Variants in CDH12 observed in about 807,000 individuals in gnomAD.
The protein encoded by CDH12 is cadherin 12.
CDH12 carries 41 observed loss-of-function variants against 74.1 expected under a neutral mutation model. The ratio of observed to expected loss-of-function variants is 0.55; its 90% CI spans 0.43 to 0.72. The LOEUF (loss-of-function observed/expected upper bound fraction) is 0.72. Ranked by LOEUF, CDH12 falls within the 30% of genes least tolerant of loss-of-function variation. The pLI, the probability that CDH12 is intolerant of heterozygous loss-of-function variation, is 0.00. For synonymous variants in CDH12, 399 were observed against 355.0 expected (o/e 1.12, Z -1.39); for missense variants, 945 against 977.2 (o/e 0.97, Z 0.44).
intron 1 of CDH12, among the ~76,000 whole-genome samples, chr5:22,719,654 A>T (rs1347507722): frequency 6.6e-6 from 1 of 152,194 alleles, no homozygotes; most frequent in Non-Finnish European, 1.5e-5. Context: ...TGCTAAGTGC[A>T]GGAGGCAGCA....
intron 1 of CDH12, among the ~76,000 whole-genome samples, chr5:22,673,838 A>G (rs1349116775): frequency 6.6e-6 from 1 of 152,220 alleles, no homozygotes; most frequent in East Asian, 1.9e-4. Context: ...AACTGATGAC[A>G]AAAAGGTCAA....
chr5:22,646,149 A>T (rs1029270165), intron 1 of CDH12, among the ~76,000 whole-genome samples: 3 of 151,860 alleles, frequency 2.0e-5, no homozygotes, highest in African/African-American at 7.2e-5. Flanking sequence ...AGTCAAGGAG[A>T]TGATGCACTT....
At chr5:22,689,156 AG>A (rs1741956581) in intron 1 of CDH12, among the ~76,000 whole-genome samples, 1 of 152,190 alleles carries the variant, frequency 6.6e-6, no homozygotes, top group Admixed American at 6.5e-5. Flanking sequence ...TCTTCTCTCC[AG>A]GATATTTCAA....
intron 1 of CDH12, among the ~76,000 whole-genome samples, chr5:22,666,416 A>G (rs1580867288): frequency 6.7e-6 from 1 of 150,052 alleles, no homozygotes; most frequent in African/African-American, 2.5e-5. Flanking sequence ...CAGCCTCCCG[A>G]GTAGCTGGGA....
At chr5:22,762,353 T>A (rs1746270345) in intron 1 of CDH12, among the ~76,000 whole-genome samples, 1 of 152,110 alleles carries the variant, frequency 6.6e-6, no homozygotes, top group Non-Finnish European at 1.5e-5. Flanking sequence ...AATTTTATCT[T>A]ACACATTTGT....
At chr5:22,469,238 A>G (rs1007997097) in intron 2 of CDH12, among the ~76,000 whole-genome samples, 1 of 152,206 alleles carries the variant, frequency 6.6e-6, no homozygotes, top group Non-Finnish European at 1.5e-5. Flanking sequence ...GTTCTTGTTT[A>G]TGTTTGCTAG....
At chr5:22,794,658 A>T (rs539347487) in intron 1 of CDH12, among the ~76,000 whole-genome samples, 6 of 152,354 alleles carry the variant, frequency 3.9e-5, no homozygotes, top group African/African-American at 1.4e-4. Flanking sequence ...ACACAAACAA[A>T]GGAATAGTAG....
chr5:21,769,155 C>T (rs949464944), intron 11 of CDH12, among the ~76,000 whole-genome samples: 2 of 151,934 alleles, frequency 1.3e-5, no homozygotes, highest in Non-Finnish European at 2.9e-5. Flanking sequence ...ACTAATATCA[C>T]GGTAAAAGAC....
intron 5 of CDH12, among the ~76,000 whole-genome samples, chr5:22,020,272 G>A (rs957878411): frequency 1.3e-5 from 2 of 152,094 alleles, no homozygotes; most frequent in African/African-American, 2.4e-5. Context: ...GTCCAATTAT[G>A]GCTGGGCGTG....
chr5:22,493,329 A>C (rs573513064), intron 2 of CDH12, among the ~76,000 whole-genome samples: 13 of 152,322 alleles, frequency 8.5e-5, no homozygotes, highest in African/African-American at 2.9e-4. Flanking sequence ...CCTCAACTGC[A>C]ATGTGAACTC....
chr5:22,554,581 T>C (rs1314808806), intron 1 of CDH12, among the ~76,000 whole-genome samples: 4 of 152,060 alleles, frequency 2.6e-5, no homozygotes, highest in Admixed American at 1.3e-4. Context: ...GGAATGAAGG[T>C]TAATTTCAAT....
At chr5:22,587,697 A>T (rs1740471463) in intron 1 of CDH12, among the ~76,000 whole-genome samples, 1 of 152,116 alleles carries the variant, frequency 6.6e-6, no homozygotes, top group Non-Finnish European at 1.5e-5. Flanking sequence ...CTGTCCCTTT[A>T]TTAAACTTAC....
rs572125277 is a variant in CDH12, at chr5:21,888,144, C to T, written c.527-33354G>A. 7.2e-5 allele frequency among the ~76,000 whole-genome samples: 11 copies of T among 152,130 alleles called. No individual in the cohort carries two copies. The South Asian group carries it at 1.7e-3, about 23-fold the overall frequency. On this transcript the variant is annotated intron_variant, in intron 6 of 14. Coordinates refer to ENST00000382254, the MANE Select transcript of CDH12 (RefSeq NM_004061.5). ...AAATTTGGTTGCAATATGGTGCAAC[C>T]GGAGGTTAAGTTCTACAGTGAGGTC... is the stretch of plus-strand genomic sequence containing the variant.
intron 3 of CDH12, among the ~76,000 whole-genome samples, chr5:22,399,190 G>GTGTC (rs1180785567): frequency 6.8e-6 from 1 of 148,072 alleles, no homozygotes; most frequent in East Asian, 2.0e-4. Context: ...AATCTACCCA[G>GTGTC]TATCTATCTA....
At chr5:21,842,962 G>T (rs1579817433) in intron 7 of CDH12, among the ~76,000 whole-genome samples, 1 of 152,106 alleles carries the variant, frequency 6.6e-6, no homozygotes, top group Admixed American at 6.6e-5. Flanking sequence ...TGAGTGACTG[G>T]CTGAGTGAAT....
intron 1 of CDH12, among the ~76,000 whole-genome samples, chr5:22,724,623 C>A (rs1035572829): frequency 6.6e-6 from 1 of 151,868 alleles, no homozygotes; most frequent in Admixed American, 6.6e-5. Context: ...TTTCTTTATC[C>A]ATTTGTTGGT....
rs188889317 is a variant in CDH12 at position 22,298,404 on chromosome 5, T to G, written c.-332-85761A>C. Among the ~76,000 whole-genome samples, 237 of 152,178 alleles carry G rather than the reference T, an allele frequency of 1.6e-3. 4 individuals are homozygous for G. The highest frequency in any genetic ancestry group is 5.6e-3 in the African/African-American group (232 of 41,554). On this transcript the variant is annotated intron_variant, in intron 3 of 14. Transcript: ENST00000382254. ...TATTCATTTAAGTTCTATACATGTT[T>G]CTATGTATATATCTAAGCAAACCTC...
chr5:21,790,462 T>C (rs1746427443), intron 10 of CDH12, among the ~76,000 whole-genome samples: 1 of 152,082 alleles, frequency 6.6e-6, no homozygotes. Flanking sequence ...TAACCACCAC[T>C]GAGATGCAAT....
chr5:22,611,990 T>C (rs891872683), intron 1 of CDH12, among the ~76,000 whole-genome samples: 1 of 152,148 alleles, frequency 6.6e-6, no homozygotes, highest in African/African-American at 2.4e-5. Context: ...TTCCTCTTCA[T>C]GGCATTGAAT....
Sources: gnomAD v4.1 joint callset for allele counts (sites outside exome capture counted in the v4.1 genomes callset) on GRCh38, gnomAD v4.1.1 for gene constraint, MANE v1.5 for transcripts, NCBI Gene and HGNC (gene_info 2026-07-23, HGNC 2026-07-21) for gene names.